CUX1: variants seen among roughly 807,000 people sequenced by gnomAD.
CUX1 encodes cut like homeobox 1.
In CUX1, 31 loss-of-function variants were observed where a neutral mutation model predicts 158.8. That is an observed-to-expected ratio of 0.20 (90% CI 0.15 to 0.26). CUX1 has a LOEUF of 0.26. Among genes scored for constraint, CUX1 ranks in the 10% least tolerant of loss-of-function variants. The pLI, the probability that CUX1 is intolerant of heterozygous loss-of-function variation, is 1.00. For missense variants in CUX1, 1,589 were observed against 2,014.6 expected, an observed-to-expected ratio of 0.79 and a Z score of 4.04; for synonymous variants, 879 against 862.1, an observed-to-expected ratio of 1.02 and a Z score of -0.34.
intron 2 of CUX1, among the ~76,000 whole-genome samples, chr7:101,921,529 C>G (rs758691457): frequency 6.6e-6 from 1 of 152,052 alleles, no homozygotes; most frequent in Non-Finnish European, 1.5e-5. Context: ...GGCGCCATCT[C>G]TGCTCACTGC....
At chr7:102,126,736 A>G (rs979807845) in intron 8 of CUX1, among the ~76,000 whole-genome samples, 1 of 152,308 alleles carries the variant, frequency 6.6e-6, no homozygotes, top group African/African-American at 2.4e-5. Flanking sequence ...TAATTTTTCC[A>G]TGGACCAGTG....
Position 102,240,006 on chromosome 7 carries a change from G to A in CUX1, c.3887+422G>A, listed in dbSNP as rs191709096. 1.4e-4 allele frequency among the ~76,000 whole-genome samples: 22 copies of A among 152,060 alleles called. No individual in the cohort carries two copies. The South Asian group carries it at 2.3e-3, about 16-fold the overall frequency. On this transcript the variant is annotated intron_variant, in intron 23 of 23. Coordinates refer to ENST00000292535, the MANE Select transcript of CUX1 (RefSeq NM_181552.4). ...CAGGTGATCTGCCCACCTCGGCCCC[G>A]CAAAGTGCTGGGATTACAGGCGTGA...
chr7:101,882,612 C>T lies in CUX1; in HGVS notation c.31-33503C>T, dbSNP rs1474449585. 2.0e-5 allele frequency among the ~76,000 whole-genome samples: 3 copies of T among 152,318 alleles called. No individual in the cohort carries two copies. In the East Asian group the frequency reaches 5.8e-4, roughly 29 times the overall value. On this transcript the variant is annotated intron_variant, in intron 1 of 23. Transcript: ENST00000292535. Reference sequence around the variant, plus strand: ...CTCGTCACCTTTTCACTTTGGAGCTCAGGGCCTGGTTCACTCAGCAAGTGA... The same window carrying T: ...CTCGTCACCTTTTCACTTTGGAGCTTAGGGCCTGGTTCACTCAGCAAGTGA...
At chr7:102,017,491 G>A (rs944707996) in intron 2 of CUX1, among the ~76,000 whole-genome samples, 1 of 151,888 alleles carries the variant, frequency 6.6e-6, no homozygotes, top group Non-Finnish European at 1.5e-5. Context: ...CTGAGGGCAG[G>A]GACTGTGACT....
chr7:102,274,998 G>T (rs1356390673), intron 16 of CUX1, among the ~76,000 whole-genome samples: 1 of 152,158 alleles, frequency 6.6e-6, no homozygotes, highest in Non-Finnish European at 1.5e-5. Context: ...CGCAGACGGG[G>T]GTGCTGGGCC....
At chr7:101,825,875 T>C (rs1340951840) in intron 1 of CUX1, among the ~76,000 whole-genome samples, 1 of 151,538 alleles carries the variant, frequency 6.6e-6, no homozygotes, top group East Asian at 1.9e-4. Flanking sequence ...ACGAGCTGAG[T>C]GCGTCGTCTT....
intron 20 of CUX1, among the ~76,000 whole-genome samples, chr7:102,211,306 C>T (rs1796490402): frequency 6.6e-6 from 1 of 151,572 alleles, no homozygotes; most frequent in Non-Finnish European, 1.5e-5. Flanking sequence ...ATAAGTCAGG[C>T]ATGGTGGCTT....
At chr7:102,260,508 G>A (rs1285116058), downstream of CUX1, among the ~76,000 whole-genome samples, 1 of 148,462 alleles carries the variant, frequency 6.7e-6, no homozygotes, top group Non-Finnish European at 1.5e-5. Context: ...CTGGGTTCAG[G>A]CGATTCTCCT....
intron 2 of CUX1, among the ~76,000 whole-genome samples, chr7:102,001,988 T>G (rs1358213977): frequency 1.3e-5 from 2 of 152,234 alleles, no homozygotes; most frequent in Non-Finnish European, 2.9e-5. Context: ...TTTAGAGAAC[T>G]GTTCTATGTA....
chr7:102,108,611 A>G (rs1385006058), intron 6 of CUX1, among the ~76,000 whole-genome samples: 5 of 152,214 alleles, frequency 3.3e-5, no homozygotes, highest in Admixed American at 1.3e-4. Flanking sequence ...TGCTAGGATT[A>G]CAGACATAAG....
intron 20 of CUX1, among the ~76,000 whole-genome samples, chr7:102,214,721 G>A (rs572508576): frequency 4.6e-5 from 7 of 152,214 alleles, no homozygotes; most frequent in Admixed American, 2.0e-4. Flanking sequence ...GACCTGCCCC[G>A]CTCCCGGTGA....
At chr7:102,222,837 T>TG (rs1797955399) in intron 20 of CUX1, among the ~76,000 whole-genome samples, 1 of 71,368 alleles carries the variant, frequency 1.4e-5, no homozygotes, top group Non-Finnish European at 3.0e-5. Flanking sequence ...TTTTTTTTTT[T>TG]GAGACAGAGT....
chr7:102,060,911 C>CTTTTTTTTT (rs1039443388), intron 3 of CUX1, among the ~76,000 whole-genome samples: 2 of 79,488 alleles, frequency 2.5e-5, no homozygotes, highest in Non-Finnish European at 4.5e-5. Context: ...CGCGCCTGGC[C>CTTTTTTTTT]TTTTTTTTTT....
chr7:101,959,238 AGTGT>A (rs55733311), intron 2 of CUX1, among the ~76,000 whole-genome samples: 26,661 of 145,512 alleles, frequency 0.18, 2,426 homozygotes, highest in Non-Finnish European at 0.2. Flanking sequence ...ATGTGTGTGC[AGTGT>A]GTGTGTGTGT....
intron 11 of CUX1, among the ~76,000 whole-genome samples, chr7:102,183,287 T>C (rs1586094095): frequency 6.6e-6 from 1 of 151,972 alleles, no homozygotes; most frequent in Middle Eastern, 3.5e-3. Context: ...GTGCTGGGAT[T>C]ACAGGCGTGA....
chr7:101,973,571 G>A (rs1398225627), intron 2 of CUX1, among the ~76,000 whole-genome samples: 4 of 151,968 alleles, frequency 2.6e-5, no homozygotes, highest in African/African-American at 7.3e-5. Flanking sequence ...ATTAATTTGC[G>A]CCAAATGAAT....
intron 9 of CUX1, among the ~76,000 whole-genome samples, chr7:102,164,196 G>A (rs556779838): frequency 4.0e-4 from 61 of 152,226 alleles, no homozygotes; most frequent in Middle Eastern, 3.4e-3. Flanking sequence ...CCACCCCTCC[G>A]GGGCCTCCTT....
chr7:102,268,542 T>C (rs1790973901), intron 14 of CUX1, among the ~76,000 whole-genome samples: 1 of 152,146 alleles, frequency 6.6e-6, no homozygotes, highest in South Asian at 2.1e-4. Context: ...TCTGGCCACC[T>C]CACAGCAGCA....
At chr7:101,883,898 AATT>A (rs1177501057) in intron 1 of CUX1, among the ~76,000 whole-genome samples, 3 of 145,724 alleles carry the variant, frequency 2.1e-5, no homozygotes, top group Non-Finnish European at 3.0e-5. Context: ...GCCCGGCCCA[AATT>A]ATTATTATTT....
Sources: allele counts gnomAD v4.1 joint callset (sites outside exome capture counted in the v4.1 genomes callset), GRCh38; gene constraint gnomAD v4.1.1; transcripts MANE v1.5; gene names NCBI Gene and HGNC (gene_info 2026-07-23, HGNC 2026-07-21).